ZBTB7C: variants seen among roughly 807,000 people sequenced by gnomAD.
ZBTB7C encodes the protein zinc finger and BTB domain-containing protein 7C.
Under a neutral mutation model 25.7 loss-of-function variants are expected in ZBTB7C, and 8 were observed. The observed-to-expected ratio is 0.31, with a 90% CI of 0.18 to 0.56. The LOEUF (loss-of-function observed/expected upper bound fraction) is 0.56. Ranked by LOEUF, ZBTB7C falls within the 20% of genes least tolerant of loss-of-function variation. ZBTB7C has a pLI of 0.91. For missense variants in ZBTB7C, 824 were observed against 855.2 expected, an observed-to-expected ratio of 0.96 and a Z score of 0.46; for synonymous variants, 394 against 369.0, an observed-to-expected ratio of 1.07 and a Z score of -0.78.
At chr18:48,078,352 G>A (rs531694719) in intron 3 of ZBTB7C, among the ~76,000 whole-genome samples, 6 of 151,114 alleles carry the variant, frequency 4.0e-5, no homozygotes, top group Admixed American at 1.3e-4. Flanking sequence ...GTGGGAAAGT[G>A]TGGCTGTCTG....
chr18:48,181,900 G>A (rs776212389), intron 3 of ZBTB7C, among the ~76,000 whole-genome samples: 4 of 152,168 alleles, frequency 2.6e-5, no homozygotes, highest in Non-Finnish European at 5.9e-5. Flanking sequence ...CTGTTTTAGG[G>A]TTTACGCTAC....
chr18:48,040,399 G>C lies in ZBTB7C; in HGVS notation c.709C>G (p.Pro237Ala), dbSNP rs1451686056. The C allele has an allele frequency of 6.2e-7, 1 of 1,611,892 alleles. No individual in the cohort carries two copies. The highest frequency in any genetic ancestry group is 1.7e-5 in the Admixed American group (1 of 59,846). Residue 237 changes from proline to alanine, a missense_variant, in exon 4 of 5, where the codon CCC (proline) becomes GCC (alanine). By Grantham distance (27) the Pro-to-Ala change is conservative. Around this residue, in one of 4 missense-constraint regions of ZBTB7C, gnomAD observed 316 missense variants for 299.2 expected, o/e 1.06. Coordinates refer to ENST00000590800, the MANE Select transcript of ZBTB7C (RefSeq NM_001318841.2). ...CTCCTGTCGGGGATGTTGGCCTTGG[G>C]GTACAGGTTCTCCCTTAGCAGAGAT... The part of the protein sequence containing the change: ...IESLLRENLY[P>A]KANIPDRRPS...
chr18:48,164,540 T>C (rs1048100558), intron 3 of ZBTB7C, among the ~76,000 whole-genome samples: 1 of 152,218 alleles, frequency 6.6e-6, no homozygotes, highest in African/African-American at 2.4e-5. Flanking sequence ...ATGGTTCAGA[T>C]CAAGTGCTTA....
intron 2 of ZBTB7C, among the ~76,000 whole-genome samples, chr18:48,230,447 TA>T (rs11325409): frequency 0.19 from 29,073 of 152,106 alleles, 3,119 homozygotes; most frequent in East Asian, 0.49. Context: ...CAGTTTCCCC[TA>T]AAAAAATAAA....
At chr18:48,179,908 T>TCCTTCCTTC (rs1568282404) in intron 3 of ZBTB7C, among the ~76,000 whole-genome samples, 1 of 134,922 alleles carries the variant, frequency 7.4e-6, no homozygotes, top group Non-Finnish European at 1.5e-5. Flanking sequence ...TCTCCTTCCT[T>TCCTTCCTTC]CCTCCCTTCC....
chr18:48,095,004 TGGCAA>T (rs2038562721), intron 3 of ZBTB7C, among the ~76,000 whole-genome samples: 2 of 152,150 alleles, frequency 1.3e-5, no homozygotes, highest in African/African-American at 4.8e-5. Flanking sequence ...CTTTTCAACC[TGGCAA>T]GGCATTTCTG....
intron 2 of ZBTB7C, among the ~76,000 whole-genome samples, chr18:48,217,991 G>A (rs1458438847): frequency 6.6e-6 from 1 of 152,150 alleles, no homozygotes; most frequent in Non-Finnish European, 1.5e-5. Flanking sequence ...AAAGGCCAAG[G>A]TGACACTGGG....
chr18:48,184,708 G>A (rs1321796517), intron 3 of ZBTB7C, among the ~76,000 whole-genome samples: 7 of 152,090 alleles, frequency 4.6e-5, no homozygotes, highest in Admixed American at 1.3e-4. Flanking sequence ...AAAGGCAAGT[G>A]GACAATTGGG....
chr18:48,408,109 C>T (rs1225892969), intron 1 of ZBTB7C, among the ~76,000 whole-genome samples: 1 of 152,214 alleles, frequency 6.6e-6, no homozygotes, highest in East Asian at 1.9e-4. Flanking sequence ...CATGGTCCAG[C>T]GAGACTTCCC....
intron 1 of ZBTB7C, among the ~76,000 whole-genome samples, chr18:48,359,156 C>T (rs1312550036): frequency 6.6e-6 from 1 of 152,162 alleles, no homozygotes; most frequent in Non-Finnish European, 1.5e-5. Context: ...GATAATCCTG[C>T]CAAGGGCCAG....
intron 2 of ZBTB7C, among the ~76,000 whole-genome samples, chr18:48,301,254 G>A (rs2045536773): frequency 6.6e-6 from 1 of 152,120 alleles, no homozygotes; most frequent in Non-Finnish European, 1.5e-5. Flanking sequence ...TGAGGTGGGG[G>A]GATCACCTGA....
chr18:48,351,969 C>T (rs1348675471), intron 1 of ZBTB7C, among the ~76,000 whole-genome samples: 5 of 152,138 alleles, frequency 3.3e-5, no homozygotes, highest in African/African-American at 1.2e-4. Flanking sequence ...ACTAGAGATA[C>T]CCCACCCTCT....
At chr18:48,277,247 T>C (rs948390240) in intron 2 of ZBTB7C, among the ~76,000 whole-genome samples, 1 of 146,308 alleles carries the variant, frequency 6.8e-6, no homozygotes, top group African/African-American at 2.6e-5. Flanking sequence ...AACCTACTCA[T>C]CTGACAAAGG....
chr18:48,356,783 C>T lies in ZBTB7C; in HGVS notation c.-303-18385G>A, dbSNP rs114328904. On this transcript the variant is annotated intron_variant, in intron 1 of 4. Transcript: ENST00000590800. ...CAATGGGCCGACGTGCATTATCTAA[C>T]AGATGAGGGAACTGAGGCCCAAAGC... 3.0e-3 allele frequency among the ~76,000 whole-genome samples: 462 copies of T among 152,300 alleles called. 3 individuals carry two copies. Among genetic ancestry groups the T allele is most frequent in the African/African-American group, 0.011 (437 of 41,564 alleles).
chr18:48,249,153 T>C (rs78232650), intron 2 of ZBTB7C, among the ~76,000 whole-genome samples: 6,641 of 152,324 alleles, frequency 0.044, 284 homozygotes, highest in African/African-American at 0.11. Flanking sequence ...AGTAGATTCA[T>C]TCCAGAGTGA....
intron 2 of ZBTB7C, among the ~76,000 whole-genome samples, chr18:48,281,315 T>C (rs1487215270): frequency 2.0e-5 from 3 of 152,140 alleles, no homozygotes; most frequent in Non-Finnish European, 4.4e-5. Context: ...TAATTCAAGA[T>C]GGATTAAAGA....
At chr18:48,283,512 T>G (rs2044936424) in intron 2 of ZBTB7C, among the ~76,000 whole-genome samples, 1 of 152,198 alleles carries the variant, frequency 6.6e-6, no homozygotes, top group Non-Finnish European at 1.5e-5. Context: ...AATCTTCCAT[T>G]GCCAGGCAGT....
chr18:48,056,687 G>GACAAA (rs1315007574), intron 3 of ZBTB7C, among the ~76,000 whole-genome samples: 1 of 151,930 alleles, frequency 6.6e-6, no homozygotes, highest in African/African-American at 2.4e-5. Flanking sequence ...CCATGTAGGA[G>GACAAA]ACAAAACAAA....
At chr18:48,031,420 C>T (rs770485075) in intron 4 of ZBTB7C, among the ~76,000 whole-genome samples, 1 of 152,098 alleles carries the variant, frequency 6.6e-6, no homozygotes, top group Non-Finnish European at 1.5e-5. Flanking sequence ...TTTTTCAAAC[C>T]CACCAGCCAC....
Sources: allele counts gnomAD v4.1 joint callset (sites outside exome capture counted in the v4.1 genomes callset), GRCh38; gene constraint gnomAD v4.1.1; regional missense constraint gnomAD v4.1.1; transcripts MANE v1.5; gene names NCBI Gene and HGNC (gene_info 2026-07-23, HGNC 2026-07-21).